PARD3: variants seen among roughly 807,000 people sequenced by gnomAD.
PARD3 encodes the protein partitioning defective 3 homolog.
A neutral mutation model predicts 155.4 loss-of-function variants in PARD3; 75 were observed. The ratio of observed to expected loss-of-function variants is 0.48; its 90% CI spans 0.40 to 0.58. The LOEUF (loss-of-function observed/expected upper bound fraction) is 0.58. Among genes scored for constraint, PARD3 ranks in the 20% least tolerant of loss-of-function variants. PARD3 has a pLI of 0.00. For missense variants in PARD3, 1,642 were observed against 1,721.7 expected, an observed-to-expected ratio of 0.95 and a Z score of 0.82; for synonymous variants, 576 against 610.5, an observed-to-expected ratio of 0.94 and a Z score of 0.83.
chr10:34,505,414 T>A (rs1751902077), intron 3 of PARD3, among the ~76,000 whole-genome samples: 1 of 152,188 alleles, frequency 6.6e-6, no homozygotes, highest in South Asian at 2.1e-4. Context: ...AAAAAATGAA[T>A]GTGTAAACCT....
At chr10:34,458,745 T>C (rs933122514) in intron 4 of PARD3, among the ~76,000 whole-genome samples, 1 of 152,176 alleles carries the variant, frequency 6.6e-6, no homozygotes, top group Non-Finnish European at 1.5e-5. Flanking sequence ...AAAAATGTTG[T>C]CCACTCTTAG....
At chr10:34,751,398 C>A (rs1446425447) in intron 1 of PARD3, among the ~76,000 whole-genome samples, 1 of 152,204 alleles carries the variant, frequency 6.6e-6, no homozygotes, top group Non-Finnish European at 1.5e-5. Flanking sequence ...TTCTGATTAA[C>A]CCCAGTTCTG....
intron 22 of PARD3, among the ~76,000 whole-genome samples, chr10:34,195,440 G>A (rs760918191): frequency 2.7e-5 from 4 of 150,046 alleles, no homozygotes; most frequent in Non-Finnish European, 5.9e-5. Context: ...ACACACACAC[G>A]TACTAAAACG....
intron 5 of PARD3, among the ~76,000 whole-genome samples, chr10:34,442,363 G>C (rs1005696766): frequency 1.4e-4 from 22 of 152,182 alleles, no homozygotes; most frequent in Admixed American, 1.4e-3. Flanking sequence ...ACGGTTTAAT[G>C]CTGTGACCCC....
intron 22 of PARD3, among the ~76,000 whole-genome samples, chr10:34,142,932 T>A (rs903392900): frequency 6.6e-6 from 1 of 152,186 alleles, no homozygotes; most frequent in Admixed American, 6.5e-5. Context: ...AAAATATACA[T>A]TTAGGTGTCT....
Position 34,650,578 on chromosome 10 carries a change from A to G in PARD3, c.222+45740T>C, listed in dbSNP as rs563525081. On this transcript the variant is annotated intron_variant, in intron 2 of 24. Coordinates refer to ENST00000374788, the MANE Select transcript of PARD3 (RefSeq NM_001184785.2). ...TTAAGTTGCTTCAATGATTACAGAA[A>G]GCCAGACAAAAACTGAGTCTTGAGG... Among the ~76,000 whole-genome samples the G allele has an allele frequency of 1.4e-4, 21 of 152,334 alleles. No individual in the cohort carries two copies. In the East Asian group the frequency reaches 3.5e-3, roughly 25 times the overall value.
At chr10:34,153,425 A>C (rs1159326296) in intron 22 of PARD3, among the ~76,000 whole-genome samples, 1 of 152,246 alleles carries the variant, frequency 6.6e-6, no homozygotes, top group Admixed American at 6.5e-5. Flanking sequence ...CTTTTAGTCC[A>C]TAATATGAAC....
At chr10:34,610,324 T>G (rs986522476) in intron 2 of PARD3, among the ~76,000 whole-genome samples, 20 of 152,174 alleles carry the variant, frequency 1.3e-4, no homozygotes, top group African/African-American at 4.8e-4. Flanking sequence ...ACAGCTATTA[T>G]CATAAGAAAT....
rs1946353677 is a variant in PARD3, at chr10:34,110,902, G to A, written c.*267C>T. ...CTCATGAGTAGGGCCGAGATTCCTG[G>A]TACTGTGGAGAGGCGCAGAGCATAT... On this transcript the variant is annotated 3_prime_UTR_variant, in exon 25 of 25. Transcript: ENST00000374788. 1 of 311,780 alleles carries A rather than the reference G, an allele frequency of 3.2e-6. No individual in the cohort carries two copies. 19.3% of individuals were successfully genotyped at this position (311,780 alleles called of 1,614,324 possible). A position where few individuals can be genotyped will look rare whatever the true frequency, so the allele number is the denominator to read the frequency against.
chr10:34,629,165 A>G (rs2092135051), intron 2 of PARD3, among the ~76,000 whole-genome samples: 1 of 152,212 alleles, frequency 6.6e-6, no homozygotes, highest in African/African-American at 2.4e-5. Flanking sequence ...CTGCCCATAC[A>G]CTGTGGACAT....
intron 21 of PARD3, among the ~76,000 whole-genome samples, chr10:34,281,197 G>C (rs1956142274): frequency 6.6e-6 from 1 of 152,152 alleles, no homozygotes; most frequent in African/African-American, 2.4e-5. Flanking sequence ...CTTTCATGTG[G>C]TGGAAATGAG....
At chr10:34,724,846 G>A (rs2094672615) in intron 1 of PARD3, among the ~76,000 whole-genome samples, 1 of 152,192 alleles carries the variant, frequency 6.6e-6, no homozygotes, top group South Asian at 2.1e-4. Context: ...TGACAACAAC[G>A]TAACTGCGGA....
chr10:34,815,013 C>A lies in PARD3; in HGVS notation c.-18G>T. 1 of 1,429,250 alleles carries A rather than the reference C, an allele frequency of 7.0e-7. No homozygotes were observed. Among genetic ancestry groups the A allele is most frequent in the Non-Finnish European group, 9.2e-7 (1 of 1,086,190 alleles). The allele number at this position is 1,429,250 out of a possible 1,614,324, so 88.5% of individuals were successfully genotyped here. A position where few individuals can be genotyped will look rare whatever the true frequency, so the allele number is the denominator to read the frequency against. ...ACTTTCATGCCGCCGCCGCCGCGGG[C>A]GGGCCCGCGCCCCTCGCCGAGCGCA... On this transcript the variant is annotated 5_prime_UTR_variant, in exon 1 of 25. Transcript: ENST00000374788.
At chr10:34,800,225 G>A (rs763952583) in intron 1 of PARD3, among the ~76,000 whole-genome samples, 1 of 152,090 alleles carries the variant, frequency 6.6e-6, no homozygotes, top group Admixed American at 6.6e-5. Context: ...ACAACTCCAT[G>A]AGATTAACAT....
chr10:34,134,783 C>T (rs533336116), intron 22 of PARD3, among the ~76,000 whole-genome samples: 2 of 152,288 alleles, frequency 1.3e-5, no homozygotes, highest in East Asian at 1.9e-4. Flanking sequence ...ACTGGAAGAC[C>T]GTCAAGCCCC....
chr10:34,336,127 G>A, intron 18 of PARD3, 72 bp downstream of exon 18: 1 of 1,078,194 alleles, frequency 9.3e-7, no homozygotes, highest in Non-Finnish European at 1.4e-6. Flanking sequence ...GCATATGATT[G>A]GCAGCTCTAT....
chr10:34,540,180 G>T (rs1444786194), intron 2 of PARD3, among the ~76,000 whole-genome samples: 2 of 152,120 alleles, frequency 1.3e-5, no homozygotes, highest in African/African-American at 4.8e-5. Context: ...AGGTTATGCT[G>T]TCAAACAACA....
At chr10:34,664,903 G>A (rs924558446) in intron 2 of PARD3, among the ~76,000 whole-genome samples, 1 of 152,038 alleles carries the variant, frequency 6.6e-6, no homozygotes, top group Non-Finnish European at 1.5e-5. Context: ...CCCCTTCTCT[G>A]ATTCACTTCT....
intron 2 of PARD3, among the ~76,000 whole-genome samples, chr10:34,518,525 G>GC (rs1205787409): frequency 6.6e-6 from 1 of 152,138 alleles, no homozygotes; most frequent in East Asian, 1.9e-4. Context: ...ACCTGAAGGG[G>GC]CTCCCAATGG....
Sources: gnomAD v4.1 joint callset for allele counts (sites outside exome capture counted in the v4.1 genomes callset) on GRCh38, gnomAD v4.1.1 for gene constraint, MANE v1.5 for transcripts, NCBI Gene and HGNC (gene_info 2026-07-23, HGNC 2026-07-21) for gene names.